Variants in NADK2 observed in about 807,000 individuals in gnomAD.
The protein encoded by NADK2 is NAD kinase 2, mitochondrial.
A neutral mutation model predicts 62.1 loss-of-function variants in NADK2; 35 were observed. The observed-to-expected ratio is 0.56, with a 90% CI of 0.43 to 0.75. NADK2 has a LOEUF of 0.75. Ranked by LOEUF, NADK2 falls within the 30% of genes least tolerant of loss-of-function variation. The probability of loss-of-function intolerance (pLI) is 0.00; values close to 1 mark genes in which losing one functional copy is unlikely to be tolerated. For synonymous variants in NADK2, 205 were observed against 207.9 expected, an observed-to-expected ratio of 0.99 and a Z score of 0.12; for missense variants, 439 against 561.3, an observed-to-expected ratio of 0.78 and a Z score of 2.20.
chr5:36,231,683 C>T (rs996883271), intron 1 of NADK2, among the ~76,000 whole-genome samples: 1 of 152,160 alleles, frequency 6.6e-6, no homozygotes, highest in African/African-American at 2.4e-5. Flanking sequence ...GTTTAAAAGG[C>T]ATATGCAAAA....
intron 6 of NADK2, among the ~76,000 whole-genome samples, chr5:36,213,354 GACA>G (rs1746919750): frequency 6.6e-6 from 1 of 151,926 alleles, no homozygotes; most frequent in African/African-American, 2.4e-5. Flanking sequence ...CTGTCACCAA[GACA>G]ACATTGATCT....
Position 36,225,533 on chromosome 5 carries a change from C to T in NADK2, c.560+9G>A. 1 of 1,607,502 alleles carries T rather than the reference C, an allele frequency of 6.2e-7. No homozygotes were observed. The highest frequency in any genetic ancestry group is 8.5e-7 in the Non-Finnish European group (1 of 1,177,030). On this transcript the variant is annotated intron_variant, in intron 4 of 11. Transcript: ENST00000381937. ...ACAAATCAAACAAAATGTATACGTT[C>T]TTTCTTACCGTTCTGGATCAGTGTT...
rs868010661 is a variant in NADK2 at position 36,226,569 on chromosome 5, A to G, written c.390-6T>C. On this transcript the variant is annotated splice_region_variant and splice_polypyrimidine_tract_variant and intron_variant, in intron 2 of 11. Coordinates refer to ENST00000381937, the MANE Select transcript of NADK2 (RefSeq NM_001085411.3). ...GAACCTCAATTCCCTCATTCCTAGG[A>G]TAAAAAAGGAAAGGTTATATGAAAT... The G allele has an allele frequency of 1.2e-6, 2 of 1,601,810 alleles. No homozygotes were observed. Among genetic ancestry groups the G allele is most frequent in the Middle Eastern group, 3.3e-4 (2 of 6,040 alleles).
At chr5:36,218,685 C>G (rs1291338415) in intron 5 of NADK2, among the ~76,000 whole-genome samples, 2 of 152,120 alleles carry the variant, frequency 1.3e-5, no homozygotes, top group Non-Finnish European at 2.9e-5. Flanking sequence ...TCCAACTTAG[C>G]TCTCTCAAAT....
chr5:36,208,744 C>G (rs1746734939), intron 7 of NADK2: 1 of 1,112,536 alleles, frequency 9.0e-7, no homozygotes, highest in Non-Finnish European at 1.3e-6. Context: ...TTAAAATGTT[C>G]TTAAATCTAA....
intron 8 of NADK2, among the ~76,000 whole-genome samples, chr5:36,206,702 A>G (rs1158746883): frequency 6.6e-6 from 1 of 151,974 alleles, no homozygotes; most frequent in Non-Finnish European, 1.5e-5. Flanking sequence ...TACTCAGGAG[A>G]AAAGGTATGT....
intron 1 of NADK2, among the ~76,000 whole-genome samples, chr5:36,230,471 A>T (rs921935579): frequency 7.9e-5 from 12 of 152,234 alleles, no homozygotes; most frequent in East Asian, 3.8e-4. Context: ...TGGTATTTTT[A>T]AAAAATCCCT....
chr5:36,219,769 A>G, intron 4 of NADK2, 90 bp from the exon 5 acceptor site: 1 of 909,368 alleles, frequency 1.1e-6, no homozygotes, highest in Non-Finnish European at 1.7e-6. Flanking sequence ...TCACTAAGCT[A>G]TAAAAATAAG....
intron 1 of NADK2, among the ~76,000 whole-genome samples, chr5:36,231,892 T>C (rs1747722537): frequency 6.6e-6 from 1 of 152,174 alleles, no homozygotes; most frequent in Admixed American, 6.5e-5. Context: ...TAACAGTCTT[T>C]AATATTTTCC....
chr5:36,201,118 C>T lies in NADK2; in HGVS notation c.1000G>A (p.Val334Ile). Residue 334 changes from valine (V) to isoleucine (I), a missense_variant, in exon 9 of 12, where the codon GTT (valine) becomes ATT (isoleucine). By Grantham distance (29) the Val-to-Ile change is conservative. Transcript: ENST00000381937. ...TTTTGGTACTCACCAATATTTAAAACATCTTCTACAGCCTGAGTTGCAACC... is the reference window on the plus strand; with the variant it reads ...TTTTGGTACTCACCAATATTTAAAATATCTTCTACAGCCTGAGTTGCAACC... ...NRVATQAVED[V>I]LNIAKRQGNL... The T allele has an allele frequency of 6.2e-7, 1 of 1,612,488 alleles. No homozygotes were observed. Among genetic ancestry groups the T allele is most frequent in the Non-Finnish European group, 8.5e-7 (1 of 1,178,962 alleles).
At chr5:36,206,463 T>C (rs2112090511) in intron 8 of NADK2, among the ~76,000 whole-genome samples, 1 of 151,046 alleles carries the variant, frequency 6.6e-6, no homozygotes, top group East Asian at 2.0e-4. Flanking sequence ...ACTTCAGAAG[T>C]ACAATTAATA....
rs78558658 is a variant in NADK2 at position 36,217,217 on chromosome 5, A to T, written c.781+531T>A. On this transcript the variant is annotated intron_variant, in intron 6 of 11. Transcript: ENST00000381937. ...CAATAAAGTCCTACATTTGCTATAA[A>T]AAGTGGGAAAATATGGCTCAAAATG... is the stretch of plus-strand genomic sequence containing the variant. 6.0e-4 allele frequency among the ~76,000 whole-genome samples: 91 copies of T among 152,274 alleles called. 1 individual carries two copies. The East Asian group carries it at 0.017, about 28-fold the overall frequency.
chr5:36,220,129 T>A (rs1480437211), intron 4 of NADK2, among the ~76,000 whole-genome samples: 1 of 152,272 alleles, frequency 6.6e-6, no homozygotes, highest in East Asian at 1.9e-4. Context: ...ACCAGCAATC[T>A]CAAAAGGAAT....
At chr5:36,239,467 T>C (rs1748029239) in intron 1 of NADK2, among the ~76,000 whole-genome samples, 1 of 152,160 alleles carries the variant, frequency 6.6e-6, no homozygotes, top group African/African-American at 2.4e-5. Flanking sequence ...TACAAAACTG[T>C]GTATTCTACA....
rs755238306 is a variant in NADK2 at position 36,219,616 on chromosome 5, C to A, written c.624G>T (p.Lys208Asn). 1 of 1,613,958 alleles carries A rather than the reference C, an allele frequency of 6.2e-7. No individual in the cohort carries two copies. Among genetic ancestry groups the A allele is most frequent in the Admixed American group, 1.7e-5 (1 of 60,010 alleles). ...CCTACCTGAACTCACCACGATAGAA[C>A]TTCTGTAAGGCTTCTGGAAAGGAAT... is the stretch of plus-strand genomic sequence containing the variant. ...YTHSFPEALQ[K>N]FYRGEFRWLW... is the part of the protein sequence containing the mutation. Residue 208 changes from lysine (K) to asparagine (N), a missense_variant, in exon 5 of 12, where the codon AAG becomes AAT. Lys to Asn is a moderately conservative substitution (Grantham distance 94). Transcript: ENST00000381937.
intron 6 of NADK2, chr5:36,213,283 T>G (rs1209074900): frequency 6.6e-6 from 1 of 152,214 alleles, no homozygotes; most frequent in Non-Finnish European, 1.5e-5. Context: ...CTGAGTGATT[T>G]GTTATACAAC....
chr5:36,201,257 A>AACTTCCTCCT, intron 8 of NADK2, 96 bp from the exon 9 acceptor site: 1 of 1,099,366 alleles, frequency 9.1e-7, no homozygotes, highest in Non-Finnish European at 1.3e-6. Context: ...AAATTCTTAG[A>AACTTCCTCCT]AATTAGGAGG....
chr5:36,203,185 T>G (rs577345690), intron 8 of NADK2, among the ~76,000 whole-genome samples: 33 of 152,264 alleles, frequency 2.2e-4, no homozygotes, highest in African/African-American at 6.7e-4. Flanking sequence ...ACTTTTTGGA[T>G]TCTACTTATG....
At chr5:36,232,953 A>G (rs1000731384) in intron 1 of NADK2, among the ~76,000 whole-genome samples, 21 of 151,986 alleles carry the variant, frequency 1.4e-4, no homozygotes, top group African/African-American at 4.8e-4. Context: ...TTGATTATAT[A>G]CTCCCCCTCA....
Sources: gnomAD v4.1 joint callset for allele counts (sites outside exome capture counted in the v4.1 genomes callset) on GRCh38, gnomAD v4.1.1 for gene constraint, MANE v1.5 for transcripts, NCBI Gene and HGNC (gene_info 2026-07-23, HGNC 2026-07-21) for gene names.